The following USP12 variants were observed in gnomAD, a reference collection of about 807,000 sequenced individuals.
The protein encoded by USP12 is ubiquitin specific peptidase 12, also known as ubiquitin carboxyl-terminal hydrolase 12.
A neutral mutation model predicts 45.5 loss-of-function variants in USP12; 19 were observed. That is an observed-to-expected ratio of 0.42 (90% CI 0.29 to 0.61). The LOEUF is 0.61. Among genes scored for constraint, USP12 ranks in the 20% least tolerant of loss-of-function variants. The pLI, the probability that USP12 is intolerant of heterozygous loss-of-function variation, is 0.22. For synonymous variants in USP12, 149 were observed against 148.8 expected (o/e 1.00, Z -0.01); for missense variants, 242 against 447.7 (o/e 0.54, Z 4.15).
At chr13:27,104,173 G>A (rs1875017741) in intron 3 of USP12, among the ~76,000 whole-genome samples, 1 of 152,138 alleles carries the variant, frequency 6.6e-6, no homozygotes, top group Admixed American at 6.6e-5. Context: ...TGGGACTACA[G>A]ATGTGCACCA....
rs1248911710 is a variant in USP12, at chr13:27,153,153, G to A, written c.48+18439C>T. Among the ~76,000 whole-genome samples the A allele has an allele frequency of 5.3e-5, 8 of 151,954 alleles. No homozygotes were observed. The East Asian group carries it at 5.8e-4, about 11-fold the overall frequency. ...TCAAGACTAGCCTGGCCAACATGGC[G>A]AAACCCTGTCTCTACTAAAAAATAC... On this transcript the variant is annotated intron_variant, in intron 1 of 8. Coordinates refer to ENST00000282344, the MANE Select transcript of USP12 (RefSeq NM_182488.4).
At chr13:27,110,070 T>C (rs988365742) in intron 2 of USP12, among the ~76,000 whole-genome samples, 6 of 148,198 alleles carry the variant, frequency 4.0e-5, no homozygotes, top group African/African-American at 1.5e-4. Flanking sequence ...GACATGTAAT[T>C]AAACGTGTCC....
intron 4 of USP12, among the ~76,000 whole-genome samples, chr13:27,091,661 T>C (rs1874320395): frequency 6.6e-6 from 1 of 151,306 alleles, no homozygotes; most frequent in Middle Eastern, 3.2e-3. Flanking sequence ...CATCAGCACA[T>C]GTGATAATAA....
intron 1 of USP12, among the ~76,000 whole-genome samples, chr13:27,127,457 C>A (rs1876295868): frequency 6.6e-6 from 1 of 152,168 alleles, no homozygotes; most frequent in South Asian, 2.1e-4. Context: ...AGTTATCAAG[C>A]TCTAATAATC....
intron 1 of USP12, among the ~76,000 whole-genome samples, chr13:27,119,965 C>T (rs1336946830): frequency 6.6e-6 from 1 of 152,250 alleles, no homozygotes; most frequent in Non-Finnish European, 1.5e-5. Flanking sequence ...TCAGGGTACA[C>T]TCCTCTCTCT....
chr13:27,116,781 C>A (rs1029415460), intron 1 of USP12, among the ~76,000 whole-genome samples, 185 bp from the exon 2 acceptor site: 5 of 151,400 alleles, frequency 3.3e-5, no homozygotes, highest in African/African-American at 4.9e-5. Flanking sequence ...TAGATATGTT[C>A]AGATGCACAC....
chr13:27,168,350 C>T (rs1259240072), intron 1 of USP12, among the ~76,000 whole-genome samples: 1 of 152,206 alleles, frequency 6.6e-6, no homozygotes. Flanking sequence ...AGAGGCAGAG[C>T]TAACATTTAT....
intron 2 of USP12, among the ~76,000 whole-genome samples, chr13:27,109,000 A>C (rs1875291602): frequency 6.6e-6 from 1 of 152,218 alleles, no homozygotes; most frequent in Admixed American, 6.5e-5. Context: ...TTTTTTAAAA[A>C]GCAGCCCTCT....
intron 3 of USP12, among the ~76,000 whole-genome samples, chr13:27,100,615 T>A (rs73155878): frequency 6.6e-6 from 1 of 152,220 alleles, no homozygotes; most frequent in Admixed American, 6.5e-5. Context: ...TGCATGCACC[T>A]CAATCCCGTA....
chr13:27,092,513 C>G (rs1263284883), intron 4 of USP12, among the ~76,000 whole-genome samples: 1 of 152,162 alleles, frequency 6.6e-6, no homozygotes, highest in Non-Finnish European at 1.5e-5. Context: ...GGGGAAAGAA[C>G]AGATATACGG....
chr13:27,126,948 C>A (rs562073489), intron 1 of USP12, among the ~76,000 whole-genome samples: 1 of 152,320 alleles, frequency 6.6e-6, no homozygotes, highest in South Asian at 2.1e-4. Flanking sequence ...ATCCCAACTA[C>A]AATGCCATCT....
At chr13:27,116,444 T>C in intron 2 of USP12, 72 bp downstream of exon 2, 1 of 1,385,392 alleles carries the variant, frequency 7.2e-7, no homozygotes, top group South Asian at 1.3e-5. Context: ...CTTTAATAAC[T>C]TATGGAATGC....
In USP12 at chr13:27,098,118, T is replaced by C. The variant is rs141995227; in HGVS notation, c.344-2288A>G. Among the ~76,000 whole-genome samples, 9 of 152,216 alleles carry C rather than the reference T, an allele frequency of 5.9e-5. No individual in the cohort carries two copies. The East Asian group carries it at 1.5e-3, about 26-fold the overall frequency. The stretch of plus-strand genomic sequence containing the variant: ...ACTGAACCATCAGAAAGTAAAGTTG[T>C]TACTACCTCAGCCACCCCATGTGGC... On this transcript the variant is annotated intron_variant, in intron 3 of 8. Transcript: ENST00000282344.
At chr13:27,075,430 T>A (rs1873432538) in intron 6 of USP12, 42 bp from the exon 7 acceptor site, 2 of 1,517,090 alleles carry the variant, frequency 1.3e-6, no homozygotes, top group African/African-American at 2.8e-5. Flanking sequence ...ATAAAAGATA[T>A]CCACCATGTC....
chr13:27,081,560 T>G (rs1187606291), intron 6 of USP12, among the ~76,000 whole-genome samples: 2 of 152,238 alleles, frequency 1.3e-5, no homozygotes, highest in Non-Finnish European at 2.9e-5. Flanking sequence ...CAAACTGTTT[T>G]TAATGTTAAT....
chr13:27,141,892 C>T (rs1877076710), intron 1 of USP12, among the ~76,000 whole-genome samples: 1 of 152,092 alleles, frequency 6.6e-6, no homozygotes, highest in Admixed American at 6.5e-5. Flanking sequence ...AGTCAAAACA[C>T]ACTGAAAGAG....
chr13:27,080,844 G>GA lies in USP12; in HGVS notation c.735-5457dup, dbSNP rs1230488078. 3.9e-4 allele frequency among the ~76,000 whole-genome samples: 60 copies of GA among 152,090 alleles called. 1 individual carries two copies. The highest frequency in any genetic ancestry group is 3.9e-3 in the Admixed American group (59 of 15,280). ...TGTATTATGTAACAGCATTATGTCT[G>GA]AAAAAAGTCCATATCTTAATTTAAA... On this transcript the variant is annotated intron_variant, in intron 6 of 8. Coordinates refer to ENST00000282344, the MANE Select transcript of USP12 (RefSeq NM_182488.4).
chr13:27,115,940 T>C (rs370964463), intron 2 of USP12, among the ~76,000 whole-genome samples: 143 of 152,282 alleles, frequency 9.4e-4, no homozygotes, highest in African/African-American at 3.4e-3. Flanking sequence ...ATACTAAATT[T>C]TGGCTATGAG....
At chr13:27,090,033 C>A in intron 5 of USP12, 49 bp downstream of exon 5, 1 of 1,574,298 alleles carries the variant, frequency 6.4e-7, no homozygotes, top group Non-Finnish European at 8.7e-7. Flanking sequence ...AAAAATATTC[C>A]AGACTAAAAA....
Sources: gnomAD v4.1 joint callset for allele counts (sites outside exome capture counted in the v4.1 genomes callset) on GRCh38, gnomAD v4.1.1 for gene constraint, MANE v1.5 for transcripts, NCBI Gene and HGNC (gene_info 2026-07-23, HGNC 2026-07-21) for gene names.